Variants in H2AZ1 observed in about 807,000 individuals in gnomAD.
H2AZ1 encodes histone H2A.Z.
Under a neutral mutation model 16.6 loss-of-function variants are expected in H2AZ1, and 3 were observed. That is an observed-to-expected ratio of 0.18 (90% CI 0.08 to 0.47). The LOEUF (loss-of-function observed/expected upper bound fraction) is 0.47, where lower values mean the gene tolerates loss of function less well. Among genes scored for constraint, H2AZ1 ranks in the 20% least tolerant of loss-of-function variants. The pLI, the probability that H2AZ1 is intolerant of heterozygous loss-of-function variation, is 0.98. For synonymous variants in H2AZ1, 78 were observed against 60.7 expected (o/e 1.28, Z -1.32); for missense variants, 27 against 163.6 (o/e 0.17, Z 4.55).
At chr4:99,949,637 C>T (rs1451197306) in intron 2 of H2AZ1, 26 bp downstream of exon 2, 2 of 1,600,838 alleles carry the variant, frequency 1.2e-6, no homozygotes, top group African/African-American at 1.3e-5. Flanking sequence ...CATCATGACT[C>T]CCAGACTGCA....
intron 2 of H2AZ1, 70 bp downstream of exon 2, chr4:99,949,593 C>T (rs1299424696): frequency 2.8e-6 from 4 of 1,432,752 alleles, no homozygotes; most frequent in East Asian, 2.3e-5. Context: ...CCATCGAGAG[C>T]GATGAATAAC....
At chr4:99,949,528 AT>A in intron 2 of H2AZ1, 134 bp downstream of exon 2, 1 of 1,005,226 alleles carries the variant, frequency 9.9e-7, no homozygotes. Flanking sequence ...CCCCATATTT[AT>A]CGTATGGGCA....
intron 1 of H2AZ1, 107 bp from the exon 2 acceptor site, chr4:99,949,847 C>A: frequency 1.3e-6 from 1 of 760,772 alleles, no homozygotes; most frequent in Middle Eastern, 4.4e-4. Flanking sequence ...AGCGCGTCCC[C>A]GCACCCTGCC....
At chr4:99,950,083 A>C (rs1208881620) in intron 1 of H2AZ1, 85 bp downstream of exon 1, 1 of 1,368,564 alleles carries the variant, frequency 7.3e-7, no homozygotes, top group Non-Finnish European at 1.0e-6. Flanking sequence ...AACCGTCGCC[A>C]CTTCACCCCC....
rs1240263364 is a variant in H2AZ1 at position 99,948,151 on chromosome 4, ATGTT to A, written c.*307_*310del. On this transcript the variant is annotated 3_prime_UTR_variant, in exon 5 of 5. Coordinates refer to ENST00000296417, the MANE Select transcript of H2AZ1 (RefSeq NM_002106.4). The stretch of plus-strand genomic sequence containing the variant: ...GGAAATAATGTCTGTACAAAACCAA[ATGTT>A]TGTTACTATAACTTCTGCATCACAA... 6 of 500,360 alleles carry A rather than the reference ATGTT, an allele frequency of 1.2e-5. No homozygotes were observed. Among genetic ancestry groups the A allele is most frequent in the Admixed American group, 8.6e-5 (3 of 34,930 alleles). 31.0% of individuals were successfully genotyped at this position (500,360 alleles called of 1,614,324 possible). A position where few individuals can be genotyped will look rare whatever the true frequency, so the allele number is the denominator to read the frequency against.
intron 1 of H2AZ1, 137 bp from the exon 2 acceptor site, chr4:99,949,877 G>T: frequency 3.2e-6 from 1 of 311,876 alleles, no homozygotes; most frequent in Non-Finnish European, 5.0e-6. Context: ...GGCCCGCGGC[G>T]CGCCGCAGGG....
At chr4:99,949,575 C>CA (rs1727228040) in intron 2 of H2AZ1, 88 bp downstream of exon 2, 1 of 1,298,614 alleles carries the variant, frequency 7.7e-7, no homozygotes, top group Non-Finnish European at 1.1e-6. Flanking sequence ...CACGCATACA[C>CA]AAAACGCCCA....
rs530951864 is a variant in H2AZ1 at position 99,948,195 on chromosome 4, G to C, written c.*267C>G. The C allele has an allele frequency of 1.3e-5, 8 of 624,918 alleles. No individual in the cohort carries two copies. The highest frequency in any genetic ancestry group is 1.1e-4 in the South Asian group (7 of 61,426). The allele number at this position is 624,918 out of a possible 1,614,324, so 38.7% of individuals were successfully genotyped here. The stretch of plus-strand genomic sequence containing the variant: ...CTGCATCACAATTAAAATCCAAACA[G>C]TTTTTTAAAAACAGTCAACTCAATC... On this transcript the variant is annotated 3_prime_UTR_variant, in exon 5 of 5. Coordinates refer to ENST00000296417, the MANE Select transcript of H2AZ1 (RefSeq NM_002106.4).
chr4:99,950,079 C>G, intron 1 of H2AZ1, 89 bp downstream of exon 1: 2 of 1,290,572 alleles, frequency 1.5e-6, no homozygotes, highest in East Asian at 4.7e-5. Context: ...TCCCAACCGT[C>G]GCCACTTCAC....
At chr4:99,949,515 C>T (rs776806155) in intron 2 of H2AZ1, 129 bp from the exon 3 acceptor site, 24 of 972,184 alleles carry the variant, frequency 2.5e-5, no homozygotes, top group Non-Finnish European at 3.8e-5. Flanking sequence ...CGTGATTCCT[C>T]CCCCCCATAT....
chr4:99,950,207 G>C lies in H2AZ1; in HGVS notation c.-37C>G, dbSNP rs1266707257. 1 of 1,603,978 alleles carries C rather than the reference G, an allele frequency of 6.2e-7. No individual in the cohort carries two copies. Among genetic ancestry groups the C allele is most frequent in the South Asian group, 1.1e-5 (1 of 89,696 alleles). On this transcript the variant is annotated 5_prime_UTR_variant, in exon 1 of 5. Coordinates refer to ENST00000296417, the MANE Select transcript of H2AZ1 (RefSeq NM_002106.4). ...CTGAAGCTCAAGCAAGCAAGGCAGA[G>C]AAAAGGCTAATCGGACCCACGGTGA...
Position 99,948,228 on chromosome 4 carries a change from A to G in H2AZ1, c.*234T>C, listed in dbSNP as rs1024457680. 1.5e-5 allele frequency: 10 copies of G among 688,348 alleles called. No individual in the cohort carries two copies. The African/African-American group carries it at 1.6e-4, about 11-fold the overall frequency. 42.6% of individuals were successfully genotyped at this position (688,348 alleles called of 1,614,324 possible). Reference sequence around the variant, plus strand: ...AAAACAGTCAACTCAATCAAAACCCACTACTTCAGAATCAATAGCTTCTTT... The same window carrying G: ...AAAACAGTCAACTCAATCAAAACCCGCTACTTCAGAATCAATAGCTTCTTT... On this transcript the variant is annotated 3_prime_UTR_variant, in exon 5 of 5. Coordinates refer to ENST00000296417, the MANE Select transcript of H2AZ1 (RefSeq NM_002106.4).
intron 4 of H2AZ1, 72 bp downstream of exon 4, chr4:99,948,739 A>G: frequency 6.5e-7 from 1 of 1,545,394 alleles, no homozygotes; most frequent in Non-Finnish European, 8.7e-7. Context: ...CCTCTCCTGG[A>G]AAAACTAATT....
chr4:99,950,138 G>C (rs1050354093), intron 1 of H2AZ1, 30 bp downstream of exon 1: 1 of 1,606,626 alleles, frequency 6.2e-7, no homozygotes, highest in African/African-American at 1.3e-5. Flanking sequence ...AAAAACCCGC[G>C]GAGTCATCGA....
chr4:99,949,051 A>G (rs1398546615), intron 3 of H2AZ1, 111 bp from the exon 4 acceptor site: 18 of 759,918 alleles, frequency 2.4e-5, no homozygotes, highest in Non-Finnish European at 3.9e-5. Flanking sequence ...GTTCCTCACT[A>G]TCTGACTGGC....
intron 1 of H2AZ1, 30 bp from the exon 2 acceptor site, chr4:99,949,770 G>T: frequency 6.4e-7 from 1 of 1,562,872 alleles, no homozygotes; most frequent in South Asian, 1.1e-5. Flanking sequence ...GCGAGCGGAG[G>T]AGGAACGGAG....
intron 2 of H2AZ1, 137 bp from the exon 3 acceptor site, chr4:99,949,523 T>A (rs1441698579): frequency 1.0e-6 from 1 of 986,312 alleles, no homozygotes. Flanking sequence ...CTCCCCCCCA[T>A]ATTTATCGTA....
intron 3 of H2AZ1, 69 bp downstream of exon 3, chr4:99,949,204 T>C (rs1727210630): frequency 2.2e-6 from 2 of 926,608 alleles, no homozygotes; most frequent in African/African-American, 1.7e-5. Context: ...TGCATCACTT[T>C]CCTCCTTCCC....
intron 1 of H2AZ1, 45 bp from the exon 2 acceptor site, chr4:99,949,785 T>C (rs769521750): frequency 4.7e-6 from 7 of 1,475,138 alleles, no homozygotes; most frequent in East Asian, 4.6e-5. Context: ...ACGGAGAATA[T>C]AGAATTACCA....
Sources: gnomAD v4.1 joint callset for allele counts on GRCh38, gnomAD v4.1.1 for gene constraint, MANE v1.5 for transcripts, NCBI Gene and HGNC (gene_info 2026-07-23, HGNC 2026-07-21) for gene names.